The following ZNF98 variants were observed in gnomAD, a reference collection of about 807,000 sequenced individuals.
The protein encoded by ZNF98 is zinc finger protein 98.
ZNF98 carries 8 observed loss-of-function variants against 12.8 expected under a neutral mutation model. The observed-to-expected ratio is 0.63, with a 90% CI of 0.37 to 1.13. ZNF98 has a LOEUF of 1.13. Ranked by LOEUF, ZNF98 falls within the 50% of genes most tolerant of loss-of-function variation. The probability of loss-of-function intolerance (pLI) is 0.01; values close to 1 mark genes in which losing one functional copy is unlikely to be tolerated. For synonymous variants in ZNF98, 112 were observed against 223.5 expected (o/e 0.50, Z 4.45); for missense variants, 379 against 666.1 (o/e 0.57, Z 4.74).
At chr19:22,395,156 G>GA (rs1969375678) in intron 3 of ZNF98, among the ~76,000 whole-genome samples, 1 of 134,044 alleles carries the variant, frequency 7.5e-6, no homozygotes, top group African/African-American at 2.7e-5. Context: ...TGGGTGACAG[G>GA]AGCAAAACTC....
chr19:22,402,068 C>T (rs1400853314), intron 3 of ZNF98, among the ~76,000 whole-genome samples: 1 of 148,372 alleles, frequency 6.7e-6, no homozygotes, highest in African/African-American at 2.5e-5. Flanking sequence ...CCCAGCTACT[C>T]AGGAGGCTGA....
At chr19:22,406,356 C>G (rs1969518543) in intron 1 of ZNF98, among the ~76,000 whole-genome samples, 1 of 151,852 alleles carries the variant, frequency 6.6e-6, no homozygotes, top group South Asian at 2.1e-4. Flanking sequence ...TGAAGTGAAC[C>G]CCCAGCAAAT....
rs779086595 is a variant in ZNF98, at chr19:22,391,634, T to C, written c.1601A>G (p.Asn534Ser). 6 of 1,613,624 alleles carry C rather than the reference T, an allele frequency of 3.7e-6. No homozygotes were observed. The highest frequency in any genetic ancestry group is 5.1e-6 in the Non-Finnish European group (6 of 1,179,816). ...GKAFNNSSIL[N>S]RHKMIHTGEK... The stretch of plus-strand genomic sequence containing the variant: ...TCCAGTATGAATCATCTTATGTCTG[T>C]TAAGAATAGAGGAGTTGTTAAAGGC... The change falls in exon 4 of 4, where the codon AAC becomes AGC. Residue 534 changes from asparagine to serine, a missense_variant. Asn to Ser is a conservative substitution (Grantham distance 46). Coordinates refer to ENST00000357774, the MANE Select transcript of ZNF98 (RefSeq NM_001098626.2).
intron 1 of ZNF98, among the ~76,000 whole-genome samples, chr19:22,412,778 C>T (rs1368296080): frequency 2.0e-5 from 3 of 151,950 alleles, no homozygotes; most frequent in African/African-American, 4.8e-5. Flanking sequence ...CGAGGTGGGG[C>T]GCAGTGGCTC....
At chr19:22,415,483 T>C (rs1416522203) in intron 1 of ZNF98, among the ~76,000 whole-genome samples, 2 of 151,860 alleles carry the variant, frequency 1.3e-5, no homozygotes, top group Non-Finnish European at 2.9e-5. Flanking sequence ...ATAAAGAAAA[T>C]ATGGTATGGC....
intron 3 of ZNF98, among the ~76,000 whole-genome samples, chr19:22,393,741 A>T (rs1969359423): frequency 6.6e-6 from 1 of 152,216 alleles, no homozygotes; most frequent in African/African-American, 2.4e-5. Context: ...CCTAGAGGAA[A>T]ACCTAGACAA....
At position 22,422,217 on chromosome 19, in the gene ZNF98, C is replaced by T; in HGVS notation, c.8G>A (p.Gly3Glu). 6.2e-7 allele frequency: 1 copy of T among 1,612,812 alleles called. No individual in the cohort carries two copies. Among genetic ancestry groups the T allele is most frequent in the Non-Finnish European group, 8.5e-7 (1 of 1,179,152 alleles). The change falls in exon 1 of 4, where the codon GGA (glycine) becomes GAA (glutamate). Residue 3 changes from glycine (G) to glutamate (E), a missense_variant. Physicochemically the swap from Gly to Glu is moderately conservative, Grantham distance 98. Around this residue, in one of 8 missense-constraint regions of ZNF98, gnomAD observed 223 missense variants for 261.6 expected, o/e 0.85. Transcript: ENST00000357774. MP[G>E]PLGSLEMGVL... Reference sequence around the variant, plus strand: ...CACCATTTCTAGGCTTCCAAGGGGTCCTGGCATCTTAGCTGTGGATTCCCA... The same window carrying T: ...CACCATTTCTAGGCTTCCAAGGGGTTCTGGCATCTTAGCTGTGGATTCCCA...
chr19:22,422,170 G>A (rs1032073310), intron 1 of ZNF98, 25 bp downstream of exon 1: 14 of 1,612,822 alleles, frequency 8.7e-6, no homozygotes, highest in Admixed American at 3.3e-5. Context: ...CTCCTCTCTA[G>A]GGATGTCGGA....
chr19:22,410,763 A>C (rs1429696072), intron 1 of ZNF98, among the ~76,000 whole-genome samples: 1 of 152,176 alleles, frequency 6.6e-6, no homozygotes, highest in Non-Finnish European at 1.5e-5. Flanking sequence ...ACTCTATGTA[A>C]TGTGATTCTG....
intron 3 of ZNF98, among the ~76,000 whole-genome samples, chr19:22,399,853 C>T (rs544318545): frequency 6.6e-6 from 1 of 152,268 alleles, no homozygotes; most frequent in South Asian, 2.1e-4. Context: ...GGAATCATGA[C>T]TCAAACCTGT....
In ZNF98 at chr19:22,397,214, G is replaced by T. The variant is rs200227006; in HGVS notation, c.254-4233C>A. On this transcript the variant is annotated intron_variant, in intron 3 of 3. Transcript: ENST00000357774. ...TCTGTGTGTGTGTGTGTGTGTTTTT[G>T]TGTGTGTGTGTGTGTGTGTGTATCT... Among the ~76,000 whole-genome samples, 443 of 123,318 alleles carry T rather than the reference G, an allele frequency of 3.6e-3. 3 individuals carry two copies. Among genetic ancestry groups the T allele is most frequent in the African/African-American group, 0.013 (421 of 32,982 alleles). 80.9% of individuals were successfully genotyped at this position (123,318 alleles called of 152,430 possible).
chr19:22,409,631 G>C (rs1236616088), intron 1 of ZNF98, among the ~76,000 whole-genome samples: 1 of 152,068 alleles, frequency 6.6e-6, no homozygotes, highest in African/African-American at 2.4e-5. Context: ...CTGGGCAAAA[G>C]CTGGAAGTGG....
At position 22,391,310 on chromosome 19, in the gene ZNF98, T is replaced by G; in HGVS notation, c.*206A>C. 1.9e-6 allele frequency: 2 copies of G among 1,048,458 alleles called. No homozygotes were observed. The highest frequency in any genetic ancestry group is 2.7e-6 in the Non-Finnish European group (2 of 744,022). 64.9% of individuals were successfully genotyped at this position (1,048,458 alleles called of 1,614,324 possible). Reference sequence around the variant, plus strand: ...ATTCTCTGATGCTGAATAAGATGTGTGCAGATATTAATCACTTTTTTACTT... The same window carrying G: ...ATTCTCTGATGCTGAATAAGATGTGGGCAGATATTAATCACTTTTTTACTT... On this transcript the variant is annotated 3_prime_UTR_variant, in exon 4 of 4. Coordinates refer to ENST00000357774, the MANE Select transcript of ZNF98 (RefSeq NM_001098626.2).
chr19:22,393,216 C>T (rs540033521), intron 3 of ZNF98, among the ~76,000 whole-genome samples: 30 of 152,278 alleles, frequency 2.0e-4, no homozygotes, highest in African/African-American at 5.8e-4. Flanking sequence ...AAGAGCCACA[C>T]AGAAGAAAGA....
intron 1 of ZNF98, among the ~76,000 whole-genome samples, chr19:22,416,840 C>T (rs558123163): frequency 6.6e-6 from 1 of 152,160 alleles, no homozygotes; most frequent in African/African-American, 2.4e-5. Flanking sequence ...CACACACACA[C>T]AGATCATGTC....
chr19:22,399,918 A>T (rs1969437706), intron 3 of ZNF98, among the ~76,000 whole-genome samples: 1 of 152,206 alleles, frequency 6.6e-6, no homozygotes, highest in South Asian at 2.1e-4. Flanking sequence ...ATGTAGCAAG[A>T]ACCCATCTCC....
chr19:22,395,030 A>G (rs1019873584), intron 3 of ZNF98, among the ~76,000 whole-genome samples: 1 of 151,970 alleles, frequency 6.6e-6, no homozygotes, highest in African/African-American at 2.4e-5. Flanking sequence ...AAAGTAGCTG[A>G]GCATGGGGTC....
Position 22,422,329 on chromosome 19 carries a change from G to T in ZNF98, c.-105C>A. On this transcript the variant is annotated 5_prime_UTR_variant, in exon 1 of 4. Coordinates refer to ENST00000357774, the MANE Select transcript of ZNF98 (RefSeq NM_001098626.2). ...GAAGACGAGACCAGGAACTCCGGCT[G>T]CAGCGAGAGACAAAGACCCCGCCAC... The T allele has an allele frequency of 7.1e-7, 1 of 1,402,924 alleles. No homozygotes were observed. Among genetic ancestry groups the T allele is most frequent in the Non-Finnish European group, 1.0e-6 (1 of 997,716 alleles). The allele number at this position is 1,402,924 out of a possible 1,614,324, so 86.9% of individuals were successfully genotyped here.
At chr19:22,396,674 A>G (rs1176642112) in intron 3 of ZNF98, among the ~76,000 whole-genome samples, 1 of 152,180 alleles carries the variant, frequency 6.6e-6, no homozygotes, top group African/African-American at 2.4e-5. Context: ...AAGGGGCAAG[A>G]TGGAAGAATA....
Sources: gnomAD v4.1 joint callset for allele counts (sites outside exome capture counted in the v4.1 genomes callset) on GRCh38, gnomAD v4.1.1 for gene constraint, gnomAD v4.1.1 regional missense constraint, MANE v1.5 for transcripts, NCBI Gene and HGNC (gene_info 2026-07-23, HGNC 2026-07-21) for gene names.